Variants in ADGRV1 observed in about 807,000 individuals in gnomAD.
ADGRV1 encodes adhesion G protein-coupled receptor V1.
Under a neutral mutation model 596.2 loss-of-function variants are expected in ADGRV1, and 359 were observed. The observed-to-expected ratio is 0.60, with a 90% CI of 0.55 to 0.66. The LOEUF is 0.66. Ranked by LOEUF, ADGRV1 falls within the 30% of genes least tolerant of loss-of-function variation. ADGRV1 has a pLI of 0.00. For synonymous variants in ADGRV1, 2,681 were observed against 2,679.2 expected, an observed-to-expected ratio of 1.00 and a Z score of -0.02; for missense variants, 7,274 against 7,575.6, an observed-to-expected ratio of 0.96 and a Z score of 1.48.
chr5:91,160,714 C>T (rs866490138), intron 89 of ADGRV1, among the ~76,000 whole-genome samples: 8 of 152,160 alleles, frequency 5.3e-5, no homozygotes, highest in African/African-American at 1.9e-4. Context: ...CCGCCTATAC[C>T]ATTTAATGAA....
At chr5:91,112,487 C>T (rs990541129) in intron 87 of ADGRV1, among the ~76,000 whole-genome samples, 1 of 152,108 alleles carries the variant, frequency 6.6e-6, no homozygotes, top group Admixed American at 6.6e-5. Context: ...AAAGAGCAAA[C>T]CTACAAGATT....
chr5:90,802,758 C>G lies in ADGRV1; in HGVS notation c.14537C>G (p.Ser4846Cys), dbSNP rs767344587. The G allele has an allele frequency of 4.3e-6, 7 of 1,612,248 alleles. No individual in the cohort carries two copies. The highest frequency in any genetic ancestry group is 5.9e-6 in the Non-Finnish European group (7 of 1,179,024). The change falls in exon 71 of 90, where the codon TCT (serine) becomes TGT (cysteine). Residue 4846 changes from serine (S) to cysteine (C), a missense_variant. This residue lies in a region of ADGRV1 where 1,874 missense variants were observed against 1,970.2 expected (regional missense o/e 0.95). Coordinates refer to ENST00000405460, the MANE Select transcript of ADGRV1 (RefSeq NM_032119.4). ...IKNQVFLSLG[S>C]NFTLQLVTVM... The stretch of plus-strand genomic sequence containing the variant: ...TTATAGGTCTTCCTATCACTGGGCT[C>G]TAATTTCACTTTGCAACTGGTGACT...
At position 90,755,032 on chromosome 5, in the gene ADGRV1, T is replaced by A; in HGVS notation, c.11427T>A (p.Leu3809=). The A allele has an allele frequency of 6.2e-7, 1 of 1,613,356 alleles. No individual in the cohort carries two copies. Among genetic ancestry groups the A allele is most frequent in the Non-Finnish European group, 8.5e-7 (1 of 1,179,374 alleles). ...QLQIARDKGL[L]GDIAIHLRAQ... ...AAATAGCTCGAGATAAAGGACTACT[T>A]GGGGATATTGCCATTCACTTGAGAG... Residue 3809 remains leucine, a synonymous_variant, in exon 55 of 90, where the codon CTT becomes CTA. Transcript: ENST00000405460.
intron 85 of ADGRV1, among the ~76,000 whole-genome samples, chr5:91,044,641 AGCAGAATTGCACTTGCTTTGATACTGT>A (rs1444996419): frequency 1.4e-4 from 22 of 152,208 alleles, no homozygotes; most frequent in Admixed American, 1.4e-3. Context: ...CCTAACCCAC[AGCAGAATTGCACTTGCTTTGATACTGT>A]TATTTCAATA....
intron 43 of ADGRV1, chr5:90,717,653 C>G (rs967546849): frequency 2.0e-5 from 3 of 152,106 alleles, no homozygotes; most frequent in African/African-American, 7.3e-5. Context: ...CTACAGGCGC[C>G]CACCATCATG....
At chr5:90,675,713 A>T (rs993533362) in intron 24 of ADGRV1, among the ~76,000 whole-genome samples, 26 of 152,072 alleles carry the variant, frequency 1.7e-4, no homozygotes, top group African/African-American at 5.8e-4. Context: ...GCTTGAGCCT[A>T]CGAGTTCAAG....
intron 53 of ADGRV1, among the ~76,000 whole-genome samples, chr5:90,753,175 G>A (rs1314399352): frequency 1.3e-5 from 2 of 152,076 alleles, no homozygotes; most frequent in African/African-American, 2.4e-5. Context: ...GTTAGTCAAA[G>A]GAAATAATCC....
chr5:91,102,992 G>A (rs960130815), intron 87 of ADGRV1, among the ~76,000 whole-genome samples: 8 of 152,166 alleles, frequency 5.3e-5, no homozygotes, highest in African/African-American at 1.7e-4. Flanking sequence ...AAAGTGAAAC[G>A]ATCTGTCCTA....
intron 50 of ADGRV1, among the ~76,000 whole-genome samples, chr5:90,740,845 G>T (rs556720233): frequency 2.0e-5 from 3 of 152,250 alleles, no homozygotes; most frequent in Non-Finnish European, 4.4e-5. Flanking sequence ...AATCTCTTGT[G>T]TGCCGGACTG....
intron 87 of ADGRV1, among the ~76,000 whole-genome samples, chr5:91,106,739 T>G (rs1464945849): frequency 6.6e-6 from 1 of 152,152 alleles, no homozygotes; most frequent in Non-Finnish European, 1.5e-5. Context: ...CAAATGGAGA[T>G]CACATAAATA....
At chr5:90,988,925 A>G (rs1193000052) in intron 85 of ADGRV1, among the ~76,000 whole-genome samples, 1 of 140,860 alleles carries the variant, frequency 7.1e-6, no homozygotes, top group Non-Finnish European at 1.6e-5. Flanking sequence ...TTTGCTGAGA[A>G]TGATGGTTTC....
intron 4 of ADGRV1, among the ~76,000 whole-genome samples, chr5:90,619,562 G>A (rs983202414): frequency 6.6e-6 from 1 of 152,012 alleles, no homozygotes; most frequent in South Asian, 2.1e-4. Flanking sequence ...GAGTTAATGG[G>A]AGATGAGAAA....
chr5:91,135,875 G>C (rs1327281761), intron 87 of ADGRV1, among the ~76,000 whole-genome samples: 2 of 152,164 alleles, frequency 1.3e-5, no homozygotes, highest in African/African-American at 4.8e-5. Flanking sequence ...AGTATGGGGT[G>C]GTGGGGAGGC....
At chr5:90,832,555 C>A (rs1764609457) in intron 77 of ADGRV1, among the ~76,000 whole-genome samples, 1 of 152,236 alleles carries the variant, frequency 6.6e-6, no homozygotes, top group Middle Eastern at 3.4e-3. Context: ...TGTGGGCTGT[C>A]TCTTCACTTT....
At chr5:90,807,858 T>G in intron 73 of ADGRV1, 121 bp downstream of exon 73, 1 of 899,050 alleles carries the variant, frequency 1.1e-6, no homozygotes, top group Non-Finnish European at 1.6e-6. Context: ...ATAGTTTTAG[T>G]GTAGAGCATC....
At position 90,728,805 on chromosome 5, in the gene ADGRV1, T is replaced by A. The variant is rs763503111; in HGVS notation, c.10298T>A (p.Leu3433His). The A allele has an allele frequency of 6.2e-7, 1 of 1,613,966 alleles. No individual in the cohort carries two copies. Among genetic ancestry groups the A allele is most frequent in the South Asian group, 1.1e-5 (1 of 91,082 alleles). Reference protein sequence around the residue: ...ISQANARLNSLLFRWSGSGFI... With the variant: ...ISQANARLNSHLFRWSGSGFI... ...CAGGCTAATGCCAGGCTAAACTCCC[T>A]TTTATTCAGATGGTCTGGCAGTGGG... Residue 3433 changes from leucine (L) to histidine (H), a missense_variant, in exon 49 of 90, where the codon CTT becomes CAT. Physicochemically the swap from Leu to His is moderately conservative, Grantham distance 99. Coordinates refer to ENST00000405460, the MANE Select transcript of ADGRV1 (RefSeq NM_032119.4).
chr5:90,817,227 T>C (rs1762988759), intron 75 of ADGRV1, among the ~76,000 whole-genome samples: 1 of 151,060 alleles, frequency 6.6e-6, no homozygotes, highest in African/African-American at 2.5e-5. Context: ...GAAGTGTCTG[T>C]TCATGTCCTT....
At chr5:90,798,522 T>G (rs1461013331) in intron 70 of ADGRV1, among the ~76,000 whole-genome samples, 1 of 152,178 alleles carries the variant, frequency 6.6e-6, no homozygotes, top group Non-Finnish European at 1.5e-5. Flanking sequence ...TACCCTACCT[T>G]CTGAAATGAT....
At chr5:90,795,301 T>C (rs1760570832) in intron 70 of ADGRV1, among the ~76,000 whole-genome samples, 1 of 152,064 alleles carries the variant, frequency 6.6e-6, no homozygotes, top group Non-Finnish European at 1.5e-5. Context: ...CCTGGGACGC[T>C]CCAGCTTGGT....
Sources: gnomAD v4.1 joint callset for allele counts (sites outside exome capture counted in the v4.1 genomes callset) on GRCh38, gnomAD v4.1.1 for gene constraint, gnomAD v4.1.1 regional missense constraint, MANE v1.5 for transcripts, NCBI Gene and HGNC (gene_info 2026-07-23, HGNC 2026-07-21) for gene names.